Variants in DPYS observed in about 807,000 individuals in gnomAD.
DPYS encodes dihydropyrimidinase.
A neutral mutation model predicts 50.3 loss-of-function variants in DPYS; 39 were observed. The observed-to-expected ratio is 0.78, with a 90% CI of 0.60 to 1.01. The LOEUF (loss-of-function observed/expected upper bound fraction) is 1.01, where lower values mean the gene tolerates loss of function less well. Ranked by LOEUF, DPYS falls within the 50% of genes least tolerant of loss-of-function variation. The pLI, the probability that DPYS is intolerant of heterozygous loss-of-function variation, is 0.00. For missense variants in DPYS, 659 were observed against 680.9 expected, an observed-to-expected ratio of 0.97 and a Z score of 0.36; for synonymous variants, 245 against 250.7, an observed-to-expected ratio of 0.98 and a Z score of 0.22.
chr8:104,381,549 G>C (rs1035035931), intron 8 of DPYS: 14 of 478,702 alleles, frequency 2.9e-5, no homozygotes, highest in Non-Finnish European at 4.2e-5. Flanking sequence ...CACTCACTGG[G>C]GCCTCTGCCA....
At chr8:104,407,044 C>T (rs938765162) in intron 7 of DPYS, among the ~76,000 whole-genome samples, 2 of 152,218 alleles carry the variant, frequency 1.3e-5, no homozygotes, top group African/African-American at 4.8e-5. Flanking sequence ...ATTATGAATA[C>T]GATGCTAATA....
chr8:104,438,941 T>G (rs1175730116), intron 4 of DPYS, among the ~76,000 whole-genome samples: 2 of 152,034 alleles, frequency 1.3e-5, no homozygotes, highest in Admixed American at 1.3e-4. Context: ...CAGTGGTGCA[T>G]GCCTATAGTC....
chr8:104,406,540 A>G (rs1284575276), intron 7 of DPYS, among the ~76,000 whole-genome samples: 2 of 152,190 alleles, frequency 1.3e-5, no homozygotes, highest in East Asian at 3.9e-4. Flanking sequence ...CACCCACACC[A>G]CATACCCAGG....
Position 104,416,188 on chromosome 8 carries a change from C to T in DPYS, c.1235+8059G>A, listed in dbSNP as rs144373405. On this transcript the variant is annotated intron_variant, in intron 7 of 9. Coordinates refer to ENST00000351513, the MANE Select transcript of DPYS (RefSeq NM_001385.3). ...TCTTCACTCTATGGTACTGCTCCCC[C>T]CCAATAGCCCAGATGGCAGGTTTGA... Among the ~76,000 whole-genome samples, 105 of 152,312 alleles carry T rather than the reference C, an allele frequency of 6.9e-4. 1 individual carries two copies. The highest frequency in any genetic ancestry group is 4.8e-3 in the East Asian group (25 of 5,192).
chr8:104,458,368 C>T (rs1225933975), intron 1 of DPYS, among the ~76,000 whole-genome samples: 2 of 152,160 alleles, frequency 1.3e-5, no homozygotes, highest in Non-Finnish European at 2.9e-5. Flanking sequence ...TGACACTGTC[C>T]CTGCCTCTCT....
chr8:104,442,541 A>G (rs1165715683), intron 4 of DPYS, among the ~76,000 whole-genome samples: 1 of 152,230 alleles, frequency 6.6e-6, no homozygotes, highest in African/African-American at 2.4e-5. Context: ...TTAAAATCGC[A>G]GTACTTATAT....
chr8:104,390,499 CTTTT>C (rs551429478), intron 8 of DPYS, among the ~76,000 whole-genome samples: 1 of 141,748 alleles, frequency 7.1e-6, no homozygotes, highest in East Asian at 2.1e-4. Flanking sequence ...TTCTCTTTAA[CTTTT>C]TTTTTTTTTT....
At chr8:104,381,518 C>A in intron 8 of DPYS, 1 of 536,320 alleles carries the variant, frequency 1.9e-6, no homozygotes, top group Non-Finnish European at 3.4e-6. Context: ...TATTAATCTG[C>A]CTCAGACAGA....
intron 7 of DPYS, among the ~76,000 whole-genome samples, chr8:104,417,201 G>A (rs1454882978): frequency 2.0e-5 from 3 of 152,186 alleles, no homozygotes; most frequent in Admixed American, 6.5e-5. Flanking sequence ...CACACAATGT[G>A]TTAGCTGTGT....
intron 7 of DPYS, among the ~76,000 whole-genome samples, chr8:104,403,258 C>G (rs989875116): frequency 3.3e-5 from 5 of 152,134 alleles, no homozygotes; most frequent in African/African-American, 4.8e-5. Context: ...GCTGAGTGCC[C>G]GGGTTCACCC....
In DPYS at chr8:104,466,906, C is replaced by T. The variant is rs182332679; in HGVS notation, c.15G>A (p.Ser5=). ...CGCGACCCCCGCGGATCAGGAGCCG[C>T]GAGGGCGCCGCCATAGCGAGGGGCG... MAAP[S]RLLIRGGRVV... The change falls in exon 1 of 10, where the codon TCG becomes TCA. Residue 5 remains serine, a synonymous_variant. Coordinates refer to ENST00000351513, the MANE Select transcript of DPYS (RefSeq NM_001385.3). 51,232 of 1,497,914 alleles carry T rather than the reference C, an allele frequency of 0.034. 1,169 individuals carry two copies. Among genetic ancestry groups the T allele is most frequent in the South Asian group, 0.064 (5,065 of 79,740 alleles). The allele number at this position is 1,497,914 out of a possible 1,614,324, so 92.8% of individuals were successfully genotyped here. A position where few individuals can be genotyped will look rare whatever the true frequency, so the allele number is the denominator to read the frequency against.
chr8:104,452,512 T>C (rs1042493370), intron 1 of DPYS, among the ~76,000 whole-genome samples: 3 of 152,114 alleles, frequency 2.0e-5, no homozygotes, highest in African/African-American at 7.2e-5. Flanking sequence ...ACCTAAACCA[T>C]AGGCTTGATA....
At chr8:104,408,259 T>G (rs1005653649) in intron 7 of DPYS, among the ~76,000 whole-genome samples, 4 of 152,226 alleles carry the variant, frequency 2.6e-5, no homozygotes, top group Non-Finnish European at 4.4e-5. Context: ...TACAAAACAC[T>G]TTCATGTAAC....
intron 7 of DPYS, among the ~76,000 whole-genome samples, chr8:104,415,885 A>G (rs1244566824): frequency 6.6e-6 from 1 of 152,176 alleles, no homozygotes; most frequent in Non-Finnish European, 1.5e-5. Flanking sequence ...GCTATAGCTA[A>G]TAAGAGCTCC....
intron 4 of DPYS, among the ~76,000 whole-genome samples, chr8:104,436,225 G>A (rs187506908): frequency 7.9e-4 from 121 of 152,266 alleles, no homozygotes; most frequent in African/African-American, 2.8e-3. Flanking sequence ...GAACTGTCCC[G>A]TCAACATACG....
At chr8:104,417,854 C>A (rs1812418025) in intron 7 of DPYS, among the ~76,000 whole-genome samples, 1 of 152,134 alleles carries the variant, frequency 6.6e-6, no homozygotes, top group Admixed American at 6.5e-5. Flanking sequence ...ACGCCCACTC[C>A]CAATTCTCTC....
At chr8:104,433,528 G>A (rs561297309) in intron 4 of DPYS, among the ~76,000 whole-genome samples, 1 of 152,174 alleles carries the variant, frequency 6.6e-6, no homozygotes, top group South Asian at 2.1e-4. Context: ...CAGCTACTTG[G>A]GAGGCTGAGG....
intron 7 of DPYS, among the ~76,000 whole-genome samples, chr8:104,404,387 G>A (rs1811925378): frequency 6.6e-6 from 1 of 152,190 alleles, no homozygotes; most frequent in African/African-American, 2.4e-5. Context: ...AGGCTAGGAA[G>A]TTTTACCTAA....
At chr8:104,466,550 C>G (rs1243382176) in intron 1 of DPYS, 107 bp downstream of exon 1, 1 of 1,283,582 alleles carries the variant, frequency 7.8e-7, no homozygotes. Context: ...CCCAGCTCCT[C>G]GGCGCCGCGC....
Sources: allele counts gnomAD v4.1 joint callset (sites outside exome capture counted in the v4.1 genomes callset), GRCh38; gene constraint gnomAD v4.1.1; transcripts MANE v1.5; gene names NCBI Gene and HGNC (gene_info 2026-07-23, HGNC 2026-07-21).